Variants in DENND2C observed in about 807,000 individuals in gnomAD.
DENND2C encodes DENN domain-containing protein 2C.
DENND2C carries 72 observed loss-of-function variants against 112.4 expected under a neutral mutation model. That is an observed-to-expected ratio of 0.64 (90% CI 0.53 to 0.78). DENND2C has a LOEUF of 0.78. DENND2C is among the 30% of genes least tolerant of loss of function. The pLI, the probability that DENND2C is intolerant of heterozygous loss-of-function variation, is 0.00. For synonymous variants in DENND2C, 329 were observed against 381.6 expected (o/e 0.86, Z 1.61); for missense variants, 992 against 1,113.8 (o/e 0.89, Z 1.56).
intron 18 of DENND2C, among the ~76,000 whole-genome samples, chr1:114,590,969 CTTAA>C (rs2101640415): frequency 6.6e-6 from 1 of 151,668 alleles, no homozygotes; most frequent in Non-Finnish European, 1.5e-5. Flanking sequence ...TATTGTCAGA[CTTAA>C]TTTTTTTTTT....
At chr1:114,644,279 C>A (rs1170314644) in intron 3 of DENND2C, among the ~76,000 whole-genome samples, 1 of 152,094 alleles carries the variant, frequency 6.6e-6, no homozygotes, top group Non-Finnish European at 1.5e-5. Context: ...ATATTTTCTC[C>A]ATAGAACTTA....
chr1:114,666,185 C>G (rs1657643557), intron 1 of DENND2C, among the ~76,000 whole-genome samples: 1 of 152,186 alleles, frequency 6.6e-6, no homozygotes. Flanking sequence ...CCTCTCCTCT[C>G]CATCCCTATT....
intron 2 of DENND2C, among the ~76,000 whole-genome samples, chr1:114,647,478 T>C (rs540155490): frequency 1.3e-5 from 2 of 152,176 alleles, no homozygotes; most frequent in Admixed American, 6.5e-5. Flanking sequence ...CTGGTGACAA[T>C]AGTCTCTAAT....
intron 3 of DENND2C, among the ~76,000 whole-genome samples, chr1:114,626,693 G>A (rs768465862): frequency 3.2e-4 from 49 of 151,530 alleles, no homozygotes; most frequent in Admixed American, 1.6e-3. Context: ...TGTATTTTTC[G>A]TAGAGACGGA....
chr1:114,667,378 T>C (rs975583292), intron 1 of DENND2C, among the ~76,000 whole-genome samples: 1 of 152,198 alleles, frequency 6.6e-6, no homozygotes, highest in African/African-American at 2.4e-5. Flanking sequence ...GGGAAGCATT[T>C]TCTCTTCTTG....
At chr1:114,637,385 A>G (rs911965547) in intron 3 of DENND2C, among the ~76,000 whole-genome samples, 1 of 151,044 alleles carries the variant, frequency 6.6e-6, no homozygotes, top group African/African-American at 2.4e-5. Flanking sequence ...AAAAAAAAAA[A>G]AAAGAAAAGA....
chr1:114,641,539 T>G (rs374401374), intron 3 of DENND2C, among the ~76,000 whole-genome samples: 1 of 152,052 alleles, frequency 6.6e-6, no homozygotes. Flanking sequence ...AGCTGGTTAT[T>G]TGAAAGATCC....
Position 114,584,117 on chromosome 1 carries a change from AAG to A in DENND2C, c.*1481_*1482del, listed in dbSNP as rs1355048373. The stretch of plus-strand genomic sequence containing the variant: ...CTTAATAGAAAATTTTTATTAATAA[AAG>A]AAATAGCTATATAATCCTACTGAGA... On this transcript the variant is annotated 3_prime_UTR_variant, in exon 21 of 21. Transcript: ENST00000393274. 2 of 152,162 alleles carry A rather than the reference AAG, an allele frequency of 1.3e-5. No homozygotes were observed. Among genetic ancestry groups the A allele is most frequent in the African/African-American group, 4.8e-5 (2 of 41,444 alleles). 9.4% of individuals were successfully genotyped at this position (152,162 alleles called of 1,614,324 possible).
chr1:114,669,942 C>T (rs557905266), intron 1 of DENND2C, 41 bp downstream of exon 1: 13 of 152,688 alleles, frequency 8.5e-5, no homozygotes, highest in Non-Finnish European at 1.8e-4. Flanking sequence ...TCCGAAGCCC[C>T]TGCGGCTTAA....
chr1:114,648,246 C>CT (rs1350413585), intron 2 of DENND2C, among the ~76,000 whole-genome samples: 1 of 152,220 alleles, frequency 6.6e-6, no homozygotes, highest in Non-Finnish European at 1.5e-5. Context: ...TTCTACTTTA[C>CT]TCCAAAGTTT....
rs191060673 is a variant in DENND2C at position 114,624,903 on chromosome 1, G to A, written c.806+276C>T. ...CCCAAAGTGCTGGGATTACAGGAGC[G>A]AGCTACCGTGCCTGGCGCTGGCCCA... is the stretch of plus-strand genomic sequence containing the variant. On this transcript the variant is annotated intron_variant, in intron 4 of 20. Transcript: ENST00000393274. 3.3e-4 allele frequency among the ~76,000 whole-genome samples: 50 copies of A among 152,292 alleles called. 1 individual carries two copies. The East Asian group carries it at 6.5e-3, about 20-fold the overall frequency.
At chr1:114,639,007 T>G (rs941909322) in intron 3 of DENND2C, among the ~76,000 whole-genome samples, 2 of 151,864 alleles carry the variant, frequency 1.3e-5, no homozygotes, top group African/African-American at 2.4e-5. Flanking sequence ...ACAACACAAC[T>G]AAAATATGAG....
Position 114,625,284 on chromosome 1 carries a change from T to A in DENND2C, c.701A>T (p.Asp234Val). The change falls in exon 4 of 21, where the codon GAC becomes GTC. Residue 234 changes from aspartate to valine, a missense_variant. Transcript: ENST00000393274. ...AGAGTTATTTTCACAGTATTTTTTGTCACAGTTTCTTTCTTTATACGGCGT... is the reference window on the plus strand; with the variant it reads ...AGAGTTATTTTCACAGTATTTTTTGACACAGTTTCTTTCTTTATACGGCGT... Reference protein sequence around the residue: ...GVTPYKERNCDKKYCENNSCA... With the variant: ...GVTPYKERNCVKKYCENNSCA... The A allele has an allele frequency of 6.2e-7, 1 of 1,614,200 alleles. No individual in the cohort carries two copies.
At chr1:114,666,493 G>C (rs1657652095) in intron 1 of DENND2C, among the ~76,000 whole-genome samples, 1 of 151,800 alleles carries the variant, frequency 6.6e-6, no homozygotes, top group African/African-American at 2.4e-5. Flanking sequence ...GTCTCACTCT[G>C]TTGCCAGGCT....
chr1:114,610,947 A>G (rs1655799667), intron 9 of DENND2C, 126 bp downstream of exon 9: 2 of 1,086,868 alleles, frequency 1.8e-6, no homozygotes, highest in South Asian at 1.4e-5. Context: ...GGCTCTGAAA[A>G]TAAGGAAATC....
intron 8 of DENND2C, among the ~76,000 whole-genome samples, chr1:114,611,671 C>T (rs1655821208): frequency 6.6e-6 from 1 of 152,084 alleles, no homozygotes; most frequent in Non-Finnish European, 1.5e-5. Flanking sequence ...ACTCATACTG[C>T]TTTGAACTAT....
Position 114,587,472 on chromosome 1 carries a change from A to T in DENND2C, c.2670T>A (p.Gly890=). 1 of 1,614,140 alleles carries T rather than the reference A, an allele frequency of 6.2e-7. No homozygotes were observed. The highest frequency in any genetic ancestry group is 1.1e-5 in the South Asian group (1 of 91,084). The change falls in exon 20 of 21, where the codon GGT becomes GGA. Residue 890 remains glycine, a splice_region_variant and synonymous_variant. Coordinates refer to ENST00000393274, the MANE Select transcript of DENND2C (RefSeq NM_001256404.2). Reference sequence around the variant, plus strand: ...ACTGGATGGCCCGGATCTCAAACAAACCTACAAGGAAAAACTCATGTTGGT... The same window carrying T: ...ACTGGATGGCCCGGATCTCAAACAATCCTACAAGGAAAAACTCATGTTGGT... ...DRELRKSGVK[G]LFEIRAIQYL...
intron 1 of DENND2C, among the ~76,000 whole-genome samples, chr1:114,657,245 C>T (rs1180858107): frequency 1.3e-5 from 2 of 152,058 alleles, no homozygotes; most frequent in African/African-American, 4.8e-5. Context: ...TTTTCAAACT[C>T]ATTTTTTTCT....
chr1:114,665,780 T>C (rs1657630505), intron 1 of DENND2C, among the ~76,000 whole-genome samples: 3 of 152,352 alleles, frequency 2.0e-5, no homozygotes, highest in African/African-American at 4.8e-5. Flanking sequence ...AAAATTAGCA[T>C]AGATAAATAA....
Sources: gnomAD v4.1 joint callset for allele counts (sites outside exome capture counted in the v4.1 genomes callset) on GRCh38, gnomAD v4.1.1 for gene constraint, MANE v1.5 for transcripts, NCBI Gene and HGNC (gene_info 2026-07-23, HGNC 2026-07-21) for gene names.